The following NCLN variants were observed in gnomAD, a reference collection of about 807,000 sequenced individuals.
NCLN encodes BOS complex subunit NCLN.
In NCLN, 34 loss-of-function variants were observed where a neutral mutation model predicts 69.5. The ratio of observed to expected loss-of-function variants is 0.49; its 90% confidence interval spans 0.37 to 0.65. The LOEUF is 0.65. NCLN is among the 30% of genes least tolerant of loss of function. NCLN has a pLI of 0.00. For missense variants in NCLN, 710 were observed against 804.8 expected (o/e 0.88, Z 1.42); for synonymous variants, 393 against 358.3 (o/e 1.10, Z -1.09).
chr19:3,198,923 C>A, intron 5 of NCLN, 26 bp downstream of exon 5: 1 of 1,412,352 alleles, frequency 7.1e-7, no homozygotes, highest in Non-Finnish European at 9.4e-7. Flanking sequence ...CCCATTCCCC[C>A]CACCCCACAG....
chr19:3,204,764 GCA>G lies in NCLN; in HGVS notation c.1208+15_1208+16del. On this transcript the variant is annotated intron_variant, in intron 9 of 14. Transcript: ENST00000246117. ...TCATGGACGTGCGGTGAGCGCGGCA[GCA>G]CCTGCCCGGCCCCTCCTAGGGCTTT... The G allele has an allele frequency of 4.1e-6, 6 of 1,465,498 alleles. No homozygotes were observed. Among genetic ancestry groups the G allele is most frequent in the Non-Finnish European group, 5.4e-6 (6 of 1,108,722 alleles). The allele number at this position is 1,465,498 out of a possible 1,614,324, so 90.8% of individuals were successfully genotyped here.
chr19:3,188,807 G>A (rs1915737976), intron 1 of NCLN, among the ~76,000 whole-genome samples: 1 of 152,224 alleles, frequency 6.6e-6, no homozygotes, highest in South Asian at 2.1e-4. Context: ...CCTCATCTGC[G>A]CCCTGGGAAG....
chr19:3,199,968 C>T (rs954270550), intron 5 of NCLN, among the ~76,000 whole-genome samples: 1 of 151,870 alleles, frequency 6.6e-6, no homozygotes, highest in East Asian at 1.9e-4. Flanking sequence ...CCAAAGTGCT[C>T]GGATTACAGG....
chr19:3,205,885 T>C lies in NCLN; in HGVS notation c.1209-54T>C. 1 of 1,547,722 alleles carries C rather than the reference T, an allele frequency of 6.5e-7. No homozygotes were observed. Among genetic ancestry groups the C allele is most frequent in the South Asian group, 1.1e-5 (1 of 89,600 alleles). On this transcript the variant is annotated intron_variant, in intron 9 of 14. Coordinates refer to ENST00000246117, the MANE Select transcript of NCLN (RefSeq NM_020170.4). The surrounding 1 kb of genome is among the most constrained non-coding windows in gnomAD (Gnocchi z 4.6). ...GTGCTGGGATTACAAGTGTGAGAGC[T>C]ACCTTGCCTGGCCCAAAGTCCACAT...
chr19:3,193,139 G>C (rs1915871824), intron 2 of NCLN, 145 bp from the exon 3 acceptor site: 2 of 744,498 alleles, frequency 2.7e-6, no homozygotes, highest in Non-Finnish European at 4.3e-6. Flanking sequence ...TGCCCTCCAG[G>C]GACAGTCACT....
At chr19:3,204,973 G>A (rs1916228401) in intron 9 of NCLN, among the ~76,000 whole-genome samples, 1 of 152,178 alleles carries the variant, frequency 6.6e-6, no homozygotes, top group African/African-American at 2.4e-5. Context: ...TGAGGTCGTG[G>A]CCCCATATAG....
chr19:3,204,785 G>A (rs1260708808), intron 9 of NCLN, 34 bp downstream of exon 9: 2 of 1,407,736 alleles, frequency 1.4e-6, no homozygotes, highest in Non-Finnish European at 1.8e-6. Flanking sequence ...GCCCCTCCTA[G>A]GGCTTTCCTG....
Position 3,206,264 on chromosome 19 carries a change from G to T in NCLN, c.1338G>T (p.Gln446His). 6.5e-7 allele frequency: 1 copy of T among 1,546,506 alleles called. No homozygotes were observed. Among genetic ancestry groups the T allele is most frequent in the Non-Finnish European group, 8.7e-7 (1 of 1,145,990 alleles). Residue 446 changes from glutamine (Q) to histidine (H), a missense_variant and splice_region_variant, in exon 12 of 15, where the codon CAG (glutamine) becomes CAT (histidine). By Grantham distance (24) the Gln-to-His change is conservative. Transcript: ENST00000246117. ...GACTACCACCACCGTCCCTACAGCA[G>T]ATCCAGCAGGAGCAGCTGGACTCGG... ...PDMPVFTEQM[Q>H]IQQEQLDSVM...
In NCLN at chr19:3,208,666, G is replaced by A. The variant is rs747121737; in HGVS notation, c.*978G>A. The A allele has an allele frequency of 1.3e-5, 2 of 152,480 alleles. No homozygotes were observed. Among genetic ancestry groups the A allele is most frequent in the Non-Finnish European group, 2.9e-5 (2 of 68,234 alleles). 9.4% of individuals were successfully genotyped at this position (152,480 alleles called of 1,614,324 possible). ...GGTGGAGTACTGGGAGGCAGGAGGT[G>A]GCCCGGGGAGGCCTTGTGGCTCCTC... On this transcript the variant is annotated 3_prime_UTR_variant, in exon 15 of 15. Coordinates refer to ENST00000246117, the MANE Select transcript of NCLN (RefSeq NM_020170.4).
chr19:3,206,234 G>A (rs1916263581), intron 11 of NCLN, 28 bp from the exon 12 acceptor site: 1 of 1,529,170 alleles, frequency 6.5e-7, no homozygotes, highest in South Asian at 1.2e-5. Context: ...GCGGGGCCAG[G>A]CCATGACTAC....
chr19:3,188,515 C>T (rs1246735118), intron 1 of NCLN, among the ~76,000 whole-genome samples: 1 of 152,064 alleles, frequency 6.6e-6, no homozygotes, highest in African/African-American at 2.4e-5. Context: ...CCGATTCCCT[C>T]GGCCCCTTTT....
chr19:3,203,508 T>C (rs1326850194), intron 6 of NCLN, among the ~76,000 whole-genome samples: 1 of 152,010 alleles, frequency 6.6e-6, no homozygotes, highest in Non-Finnish European at 1.5e-5. Flanking sequence ...AAGCTCCCGG[T>C]ATGGGGTGGG....
chr19:3,205,693 G>A lies in NCLN; in HGVS notation c.1209-246G>A, dbSNP rs1599359727. On this transcript the variant is annotated intron_variant, in intron 9 of 14. Coordinates refer to ENST00000246117, the MANE Select transcript of NCLN (RefSeq NM_020170.4). This position sits in a 1 kb window ranked among gnomAD's most constrained non-coding sequence, Gnocchi z 4.6. ...AGAAAACCGAGTCAGAAGGAACCAA[G>A]GCCTCAGGGCGTGAGCCTTACCTGC... 3.9e-6 allele frequency: 2 copies of A among 508,960 alleles called. No individual in the cohort carries two copies. Among genetic ancestry groups the A allele is most frequent in the East Asian group, 7.1e-5 (2 of 28,168 alleles). 31.5% of individuals were successfully genotyped at this position (508,960 alleles called of 1,614,324 possible). A position where few individuals can be genotyped will look rare whatever the true frequency, so the allele number is the denominator to read the frequency against.
At chr19:3,191,927 G>A (rs1005380781) in intron 1 of NCLN, among the ~76,000 whole-genome samples, 18 of 152,132 alleles carry the variant, frequency 1.2e-4, no homozygotes, top group East Asian at 7.7e-4. Context: ...GGTGGCTCAC[G>A]CCTGAAATCC....
intron 14 of NCLN, 62 bp downstream of exon 14, chr19:3,207,531 G>A (rs775495807): frequency 2.6e-5 from 41 of 1,607,300 alleles, no homozygotes; most frequent in South Asian, 3.3e-5. Context: ...TGGGCTGGGC[G>A]TCTCCAAGTG....
intron 6 of NCLN, 40 bp from the exon 7 acceptor site, chr19:3,203,716 C>A (rs771571522): frequency 1.9e-6 from 3 of 1,563,352 alleles, no homozygotes; most frequent in Non-Finnish European, 2.6e-6. Context: ...CCACCCCAGG[C>A]GCTTGCCCGT....
intron 3 of NCLN, among the ~76,000 whole-genome samples, chr19:3,195,289 A>G (rs1218393628): frequency 6.7e-6 from 1 of 149,440 alleles, no homozygotes; most frequent in Admixed American, 6.7e-5. Flanking sequence ...TCGTTCTGTC[A>G]CCCAGACTGG....
chr19:3,192,677 C>A lies in NCLN; in HGVS notation c.375+17C>A. 6.6e-7 allele frequency: 1 copy of A among 1,515,552 alleles called. No individual in the cohort carries two copies. Among genetic ancestry groups the A allele is most frequent in the Non-Finnish European group, 8.8e-7 (1 of 1,132,706 alleles). The allele number at this position is 1,515,552 out of a possible 1,614,324, so 93.9% of individuals were successfully genotyped here. ...GTCGTCCGGGTGAGCGTCTGCCCTG[C>A]CCCGCCCGGCTCAGGTCCAGAGCTG... On this transcript the variant is annotated intron_variant, in intron 2 of 14. Transcript: ENST00000246117.
At chr19:3,186,413 C>T (rs375072212) in intron 1 of NCLN, among the ~76,000 whole-genome samples, 199 bp downstream of exon 1, 2 of 152,026 alleles carry the variant, frequency 1.3e-5, no homozygotes, top group East Asian at 3.9e-4. Context: ...GCCCAGGGAC[C>T]CCCCGCGCTC....
Sources: gnomAD v4.1 joint callset for allele counts (sites outside exome capture counted in the v4.1 genomes callset) on GRCh38, gnomAD v4.1.1 for gene constraint, Gnocchi (gnomAD v3.1) non-coding constraint, MANE v1.5 for transcripts, NCBI Gene and HGNC (gene_info 2026-07-23, HGNC 2026-07-21) for gene names.